HERC4: variants seen among roughly 807,000 people sequenced by gnomAD.
HERC4 encodes the protein probable E3 ubiquitin-protein ligase HERC4.
In HERC4, 28 loss-of-function variants were observed where a neutral mutation model predicts 124.3. That is an observed-to-expected ratio of 0.23 (90% CI 0.17 to 0.31). The LOEUF (loss-of-function observed/expected upper bound fraction) is 0.31, where lower values mean the gene tolerates loss of function less well. HERC4 is among the 10% of genes least tolerant of loss of function. The pLI, the probability that HERC4 is intolerant of heterozygous loss-of-function variation, is 1.00. For synonymous variants in HERC4, 407 were observed against 421.5 expected, an observed-to-expected ratio of 0.97 and a Z score of 0.42; for missense variants, 713 against 1,229.3, an observed-to-expected ratio of 0.58 and a Z score of 6.28.
chr10:68,065,645 C>T (rs754334922), intron 3 of HERC4, among the ~76,000 whole-genome samples: 67 of 152,088 alleles, frequency 4.4e-4, no homozygotes, highest in Non-Finnish European at 6.5e-4. Flanking sequence ...GTCTGAGGTG[C>T]GAGGATCACT....
At chr10:67,999,941 G>GA (rs1275005745) in intron 9 of HERC4, among the ~76,000 whole-genome samples, 6 of 152,034 alleles carry the variant, frequency 3.9e-5, no homozygotes, top group East Asian at 3.9e-4. Flanking sequence ...CAATATAATT[G>GA]AAAAAAATCT....
chr10:68,035,750 C>T (rs1459498086), intron 5 of HERC4, among the ~76,000 whole-genome samples: 1 of 152,140 alleles, frequency 6.6e-6, no homozygotes. Flanking sequence ...CCAGTTCTCA[C>T]ACACTTGCTG....
chr10:68,057,067 T>C (rs1016955350), intron 3 of HERC4, among the ~76,000 whole-genome samples: 1 of 152,202 alleles, frequency 6.6e-6, no homozygotes, highest in Non-Finnish European at 1.5e-5. Flanking sequence ...TTTTTTGTTC[T>C]CCACAACTTA....
chr10:67,954,995 T>C lies in HERC4; in HGVS notation c.2161A>G (p.Thr721Ala). The part of the protein sequence containing the change: ...VGDAMEVLRK[T>A]KNIDYKKPLK... The stretch of plus-strand genomic sequence containing the variant: ...GGCTTCTTGTAATCTATGTTCTTTG[T>C]TTTCCTAAGGACTTCCATTGCATCT... The change falls in exon 18 of 25, where the codon ACA (threonine) becomes GCA (alanine). Residue 721 changes from threonine to alanine, a missense_variant. Physicochemically the swap from Thr to Ala is moderately conservative, Grantham distance 58 (BLOSUM62 0). Coordinates refer to ENST00000373700, the MANE Select transcript of HERC4 (RefSeq NM_015601.4). The C allele has an allele frequency of 6.2e-7, 1 of 1,603,598 alleles. No individual in the cohort carries two copies. Among genetic ancestry groups the C allele is most frequent in the South Asian group, 1.1e-5 (1 of 89,508 alleles).
intron 9 of HERC4, chr10:67,995,187 T>C (rs1294487064): frequency 9.0e-6 from 4 of 445,624 alleles, no homozygotes; most frequent in African/African-American, 4.0e-5. Context: ...GTAAAACTAC[T>C]ACATGGAGGC....
chr10:68,040,231 C>T (rs955424563), intron 4 of HERC4: 27 of 982,022 alleles, frequency 2.7e-5, no homozygotes, highest in Non-Finnish European at 2.7e-5. Flanking sequence ...TAACCTAAGG[C>T]TTGTAACACA....
chr10:67,970,300 C>G lies in HERC4; in HGVS notation c.1807-3498G>C, dbSNP rs2035151563. Among the ~76,000 whole-genome samples, 4 of 152,190 alleles carry G rather than the reference C, an allele frequency of 2.6e-5. No homozygotes were observed. In the South Asian group the frequency reaches 8.3e-4, roughly 32 times the overall value. On this transcript the variant is annotated intron_variant, in intron 15 of 24. Coordinates refer to ENST00000373700, the MANE Select transcript of HERC4 (RefSeq NM_015601.4). ...CAAAATTATGAGACATATCAAAAATCAACTGAACAGGCTGGGCATGGTGGC... is the reference window on the plus strand; with the variant it reads ...CAAAATTATGAGACATATCAAAAATGAACTGAACAGGCTGGGCATGGTGGC...
chr10:68,028,155 T>C (rs1420725621), intron 7 of HERC4, among the ~76,000 whole-genome samples: 10 of 151,458 alleles, frequency 6.6e-5, no homozygotes, highest in African/African-American at 2.4e-4. Context: ...GGAATTCTTC[T>C]ATAAATAACT....
intron 3 of HERC4, among the ~76,000 whole-genome samples, chr10:68,056,520 T>C (rs944593477): frequency 6.6e-6 from 1 of 152,226 alleles, no homozygotes; most frequent in African/African-American, 2.4e-5. Context: ...TTGAATTCCA[T>C]GGGCTGTACT....
At chr10:68,024,348 G>T (rs1054447332) in intron 8 of HERC4, among the ~76,000 whole-genome samples, 1 of 152,064 alleles carries the variant, frequency 6.6e-6, no homozygotes, top group Non-Finnish European at 1.5e-5. Flanking sequence ...AAAACCACAT[G>T]GGAAATATGG....
chr10:68,014,107 C>A lies in HERC4; in HGVS notation c.988G>T (p.Gly330Cys), dbSNP rs1323491593. The change falls in exon 9 of 25, where the codon GGT (glycine) becomes TGT (cysteine). Residue 330 changes from glycine to cysteine, a missense_variant. Physicochemically the swap from Gly to Cys is radical, Grantham distance 159 (BLOSUM62 -3). Coordinates refer to ENST00000373700, the MANE Select transcript of HERC4 (RefSeq NM_015601.4). ...GLGGNGQLGT[G>C]STSNRKSPFT... ...GGGCTTTTCCTGTTGCTTGTTGAAC[C>A]GGTTCCCAGCTGCCCATTACCACCA... The A allele has an allele frequency of 6.2e-7, 1 of 1,613,476 alleles. No homozygotes were observed. Among genetic ancestry groups the A allele is most frequent in the Non-Finnish European group, 8.5e-7 (1 of 1,179,764 alleles).
At chr10:67,970,011 A>T (rs1004421272) in intron 15 of HERC4, among the ~76,000 whole-genome samples, 2 of 152,210 alleles carry the variant, frequency 1.3e-5, no homozygotes, top group Non-Finnish European at 2.9e-5. Context: ...GGGCACAAAC[A>T]TTCACAAAAA....
chr10:68,070,412 G>C, intron 3 of HERC4: 2 of 277,800 alleles, frequency 7.2e-6, no homozygotes, highest in South Asian at 2.8e-4. Context: ...TTCGAGACCA[G>C]CCTGGCCAAC....
chr10:68,061,337 T>G (rs143288929), intron 3 of HERC4, among the ~76,000 whole-genome samples: 2 of 151,410 alleles, frequency 1.3e-5, no homozygotes, highest in Non-Finnish European at 2.9e-5. Context: ...GTCGATACCA[T>G]CCTGGCTAAC....
At chr10:68,074,406 C>A (rs549972291) in intron 1 of HERC4, among the ~76,000 whole-genome samples, 1 of 152,202 alleles carries the variant, frequency 6.6e-6, no homozygotes, top group East Asian at 1.9e-4. Context: ...TTTGGGGTAT[C>A]AGAACTCGAT....
At chr10:67,927,956 GGAGA>G (rs1373797940) in intron 23 of HERC4, among the ~76,000 whole-genome samples, 1 of 152,112 alleles carries the variant, frequency 6.6e-6, no homozygotes, top group Non-Finnish European at 1.5e-5. Context: ...AACAGCGAGG[GGAGA>G]CAGGATACGT....
At chr10:68,041,869 T>C in intron 4 of HERC4, among the ~76,000 whole-genome samples, 1 of 152,192 alleles carries the variant, frequency 6.6e-6, no homozygotes. Flanking sequence ...AAATTAGAAG[T>C]AGGAAACAAT....
At chr10:68,022,661 T>G (rs1318246613) in intron 8 of HERC4, among the ~76,000 whole-genome samples, 1 of 151,952 alleles carries the variant, frequency 6.6e-6, no homozygotes, top group African/African-American at 2.4e-5. Flanking sequence ...TGACACCAAA[T>G]GCATAGCCAA....
At chr10:67,969,989 G>C (rs1341626167) in intron 15 of HERC4, among the ~76,000 whole-genome samples, 1 of 152,112 alleles carries the variant, frequency 6.6e-6, no homozygotes, top group African/African-American at 2.4e-5. Context: ...TAAGGAGTAG[G>C]CATGCAAAGT....
Sources: allele counts gnomAD v4.1 joint callset (sites outside exome capture counted in the v4.1 genomes callset), GRCh38; gene constraint gnomAD v4.1.1; transcripts MANE v1.5; gene names NCBI Gene and HGNC (gene_info 2026-07-23, HGNC 2026-07-21).